KCNQ5: variants seen among roughly 807,000 people sequenced by gnomAD.
The protein encoded by KCNQ5 is potassium voltage-gated channel subfamily KQT member 5.
A neutral mutation model predicts 98.2 loss-of-function variants in KCNQ5; 30 were observed. The observed-to-expected ratio is 0.31, with a 90% CI of 0.23 to 0.41. The LOEUF is 0.41. Ranked by LOEUF, KCNQ5 falls within the 10% of genes least tolerant of loss-of-function variation. KCNQ5 has a pLI of 1.00. For synonymous variants in KCNQ5, 458 were observed against 449.4 expected, an observed-to-expected ratio of 1.02 and a Z score of -0.24; for missense variants, 835 against 1,182.5, an observed-to-expected ratio of 0.71 and a Z score of 4.31.
intron 1 of KCNQ5, among the ~76,000 whole-genome samples, chr6:72,861,344 G>T (rs1335166573): frequency 6.6e-6 from 1 of 152,044 alleles, no homozygotes; most frequent in Non-Finnish European, 1.5e-5. Context: ...AATTCCTAGG[G>T]GACAGTAACA....
chr6:73,197,608 CACACACACACACACACACACACACACA>C lies in KCNQ5; in HGVS notation c.*2195_*2221del. ...ACACACACACACACACACACACACA[CACACACACACACACACACACACACACA>C]CACACACCCCTCCACTGACCTAAAG... On this transcript the variant is annotated 3_prime_UTR_variant, in exon 14 of 14. Transcript: ENST00000370398. The C allele has an allele frequency of 6.7e-6, 1 of 148,970 alleles. No individual in the cohort carries two copies. The highest frequency in any genetic ancestry group is 1.5e-5 in the Non-Finnish European group (1 of 67,248). The allele number at this position is 148,970 out of a possible 1,614,324, so 9.2% of individuals were successfully genotyped here.
intron 3 of KCNQ5, among the ~76,000 whole-genome samples, chr6:73,073,450 T>C (rs1773381790): frequency 6.6e-6 from 1 of 152,154 alleles, no homozygotes; most frequent in Non-Finnish European, 1.5e-5. Flanking sequence ...TCTCTACCAC[T>C]AGATGCTCGT....
intron 2 of KCNQ5, among the ~76,000 whole-genome samples, chr6:73,035,953 A>G (rs1316936378): frequency 2.7e-5 from 4 of 150,214 alleles, no homozygotes; most frequent in Admixed American, 6.6e-5. Flanking sequence ...CACAAATCTC[A>G]TTCAGATTTC....
At chr6:72,829,333 G>A (rs1776134583) in intron 1 of KCNQ5, among the ~76,000 whole-genome samples, 1 of 152,170 alleles carries the variant, frequency 6.6e-6, no homozygotes, top group African/African-American at 2.4e-5. Flanking sequence ...TTAGACAGAT[G>A]AGAAATATTT....
chr6:72,786,611 A>T (rs1367460218), intron 1 of KCNQ5, among the ~76,000 whole-genome samples: 1 of 152,164 alleles, frequency 6.6e-6, no homozygotes, highest in South Asian at 2.1e-4. Flanking sequence ...GATCTCAGCC[A>T]CACGGGTTTA....
intron 1 of KCNQ5, among the ~76,000 whole-genome samples, chr6:72,660,977 G>A (rs958463967): frequency 1.3e-5 from 2 of 152,030 alleles, no homozygotes; most frequent in African/African-American, 4.8e-5. Context: ...GGTCTCGTGT[G>A]TAGGTGACAA....
intron 1 of KCNQ5, among the ~76,000 whole-genome samples, chr6:72,856,794 G>A (rs556769300): frequency 6.6e-6 from 1 of 152,262 alleles, no homozygotes; most frequent in Admixed American, 6.5e-5. Context: ...CATTGTGGAG[G>A]TCCCCATGTC....
At chr6:72,742,006 C>T (rs919093247) in intron 1 of KCNQ5, among the ~76,000 whole-genome samples, 5 of 152,152 alleles carry the variant, frequency 3.3e-5, no homozygotes, top group African/African-American at 9.7e-5. Flanking sequence ...ACAACCTATC[C>T]GCTTCATGCT....
At chr6:72,816,795 T>C (rs1188833882) in intron 1 of KCNQ5, among the ~76,000 whole-genome samples, 2 of 152,214 alleles carry the variant, frequency 1.3e-5, no homozygotes, top group Non-Finnish European at 2.9e-5. Flanking sequence ...ATTCATTGTC[T>C]TTCCATTCCC....
chr6:72,778,032 G>A (rs1773250485), intron 1 of KCNQ5, among the ~76,000 whole-genome samples: 1 of 152,142 alleles, frequency 6.6e-6, no homozygotes, highest in Admixed American at 6.5e-5. Context: ...GAAAGTCAAA[G>A]GTCACGGTAA....
At chr6:72,988,203 A>T (rs1390783400) in intron 1 of KCNQ5, among the ~76,000 whole-genome samples, 2 of 152,186 alleles carry the variant, frequency 1.3e-5, no homozygotes, top group Non-Finnish European at 2.9e-5. Flanking sequence ...TCCTTAATGT[A>T]TTTAATCTTC....
At chr6:72,999,498 C>T (rs900527699) in intron 1 of KCNQ5, among the ~76,000 whole-genome samples, 4 of 152,118 alleles carry the variant, frequency 2.6e-5, no homozygotes, top group African/African-American at 7.2e-5. Context: ...TCAGGATTAA[C>T]GTATACATGG....
intron 1 of KCNQ5, among the ~76,000 whole-genome samples, chr6:72,726,974 C>A (rs1770316226): frequency 6.6e-6 from 1 of 152,162 alleles, no homozygotes; most frequent in Admixed American, 6.6e-5. Context: ...TAAAGATAAA[C>A]CACTCAGATC....
chr6:72,622,660 G>C lies in KCNQ5; in HGVS notation c.398+73G>C. 6.4e-7 allele frequency: 1 copy of C among 1,556,768 alleles called. No individual in the cohort carries two copies. Among genetic ancestry groups the C allele is most frequent in the South Asian group, 1.2e-5 (1 of 85,790 alleles). ...CCTGGCCCCCTGGGGCGTGCTCCGCGCTCGCGCCCTTGGGCCCCCGCGCGC... is the reference window on the plus strand; with the variant it reads ...CCTGGCCCCCTGGGGCGTGCTCCGCCCTCGCGCCCTTGGGCCCCCGCGCGC... On this transcript the variant is annotated intron_variant, in intron 1 of 13. Transcript: ENST00000370398. This position sits in a 1 kb window ranked among gnomAD's most constrained non-coding sequence, Gnocchi z 6.0.
chr6:72,631,309 G>T (rs1484126097), intron 1 of KCNQ5, among the ~76,000 whole-genome samples: 5 of 152,144 alleles, frequency 3.3e-5, no homozygotes, highest in African/African-American at 1.2e-4. Context: ...ATACAGACAG[G>T]AGTTATAATC....
intron 1 of KCNQ5, among the ~76,000 whole-genome samples, chr6:72,714,970 A>C (rs113330809): frequency 1.6e-4 from 24 of 152,324 alleles, no homozygotes; most frequent in African/African-American, 5.3e-4. Context: ...TCTGTGAGCC[A>C]ATTGTTTTTT....
intron 3 of KCNQ5, among the ~76,000 whole-genome samples, chr6:73,062,310 A>G (rs1003247540): frequency 6.6e-6 from 1 of 152,102 alleles, no homozygotes; most frequent in Admixed American, 6.6e-5. Flanking sequence ...GATTGTGGTT[A>G]CTCGATTCAG....
At chr6:73,027,444 G>A (rs1167912935) in intron 2 of KCNQ5, among the ~76,000 whole-genome samples, 1 of 152,172 alleles carries the variant, frequency 6.6e-6, no homozygotes, top group African/African-American at 2.4e-5. Flanking sequence ...AAACATTTAA[G>A]ATGATTGAAA....
chr6:73,114,010 CAT>C (rs1282606005), intron 7 of KCNQ5, among the ~76,000 whole-genome samples: 48 of 152,238 alleles, frequency 3.2e-4, no homozygotes, highest in African/African-American at 1.1e-3. Context: ...AAAATCTAAT[CAT>C]AGTTTCATTA....
Sources: gnomAD v4.1 joint callset for allele counts (sites outside exome capture counted in the v4.1 genomes callset) on GRCh38, gnomAD v4.1.1 for gene constraint, Gnocchi (gnomAD v3.1) non-coding constraint, MANE v1.5 for transcripts, NCBI Gene and HGNC (gene_info 2026-07-23, HGNC 2026-07-21) for gene names.